The following NFKB1 variants were observed in gnomAD, a reference collection of about 807,000 sequenced individuals.
NFKB1 encodes nuclear factor NF-kappa-B p105 subunit.
A neutral mutation model predicts 105.1 loss-of-function variants in NFKB1; 9 were observed. The ratio of observed to expected loss-of-function variants is 0.09; its 90% CI spans 0.05 to 0.15. The LOEUF is 0.15. Among genes scored for constraint, NFKB1 ranks in the 10% least tolerant of loss-of-function variants. The pLI, the probability that NFKB1 is intolerant of heterozygous loss-of-function variation, is 1.00. For missense variants in NFKB1, 830 were observed against 1,203.7 expected (o/e 0.69, Z 4.59); for synonymous variants, 440 against 442.2 (o/e 1.00, Z 0.06).
In NFKB1 at chr4:102,613,209, C is replaced by T. The variant is rs562011240; in HGVS notation, c.2593-216C>T. 4.6e-5 allele frequency among the ~76,000 whole-genome samples: 7 copies of T among 152,266 alleles called. No homozygotes were observed. In the East Asian group the frequency reaches 1.4e-3, roughly 29 times the overall value. ...CTCTCTCTCTGCTTACTACAAACCA[C>T]TTCTCTGTGATTTCCTGAGTGGTCT... On this transcript the variant is annotated intron_variant, in intron 22 of 23. Coordinates refer to ENST00000226574, the MANE Select transcript of NFKB1 (RefSeq NM_003998.4).
intron 2 of NFKB1, among the ~76,000 whole-genome samples, chr4:102,528,204 T>C (rs961685077): frequency 6.6e-6 from 1 of 152,162 alleles, no homozygotes; most frequent in African/African-American, 2.4e-5. Flanking sequence ...GCCAGTCATT[T>C]AGCCACCACA....
intron 1 of NFKB1, among the ~76,000 whole-genome samples, chr4:102,522,121 G>T (rs958574455): frequency 2.0e-5 from 3 of 152,072 alleles, no homozygotes; most frequent in African/African-American, 7.2e-5. Flanking sequence ...AGGTAGAAGG[G>T]GTTTTCCCTG....
chr4:102,574,887 G>T (rs1724686958), intron 6 of NFKB1, among the ~76,000 whole-genome samples: 1 of 151,968 alleles, frequency 6.6e-6, no homozygotes, highest in Non-Finnish European at 1.5e-5. Context: ...TTTCTCACAG[G>T]GACTAGATTA....
chr4:102,586,765 G>A (rs1031853543), intron 11 of NFKB1, among the ~76,000 whole-genome samples: 18 of 152,278 alleles, frequency 1.2e-4, no homozygotes, highest in Middle Eastern at 3.4e-3. Flanking sequence ...GGGAAGGGAG[G>A]TCAGTAAAAT....
intron 5 of NFKB1, among the ~76,000 whole-genome samples, chr4:102,548,314 G>A (rs546638306): frequency 4.6e-5 from 7 of 152,232 alleles, no homozygotes; most frequent in East Asian, 1.9e-4. Context: ...CAGTCCATGC[G>A]AGGTGTGAGC....
intron 5 of NFKB1, among the ~76,000 whole-genome samples, chr4:102,559,207 G>A (rs192291754): frequency 6.6e-6 from 1 of 152,254 alleles, no homozygotes; most frequent in East Asian, 1.9e-4. Flanking sequence ...CTAGGGCCTT[G>A]TAAGCCATTA....
intron 8 of NFKB1, among the ~76,000 whole-genome samples, chr4:102,579,302 CATCTT>C (rs1465937119): frequency 1.3e-5 from 2 of 152,142 alleles, no homozygotes; most frequent in East Asian, 1.9e-4. Context: ...TGTCACATCT[CATCTT>C]ATTTATGAAT....
At chr4:102,613,150 CAG>C (rs1349687129) in intron 22 of NFKB1, among the ~76,000 whole-genome samples, 3 of 152,188 alleles carry the variant, frequency 2.0e-5, no homozygotes, top group Non-Finnish European at 4.4e-5. Context: ...TCACTGTAGG[CAG>C]AGTTTCACTG....
intron 9 of NFKB1, among the ~76,000 whole-genome samples, chr4:102,581,898 A>T (rs571861062): frequency 6.6e-6 from 1 of 152,312 alleles, no homozygotes; most frequent in African/African-American, 2.4e-5. Flanking sequence ...TCCTACCTGA[A>T]GGCAAAGGAG....
intron 5 of NFKB1, among the ~76,000 whole-genome samples, chr4:102,559,632 G>A (rs1723240497): frequency 6.6e-6 from 1 of 152,004 alleles, no homozygotes; most frequent in Non-Finnish European, 1.5e-5. Context: ...ATGTAGTGTA[G>A]TAAAGATGGT....
chr4:102,537,324 G>A (rs1055574581), intron 4 of NFKB1, among the ~76,000 whole-genome samples: 1 of 152,188 alleles, frequency 6.6e-6, no homozygotes, highest in Non-Finnish European at 1.5e-5. Flanking sequence ...AATGCTGAGA[G>A]AAGCTTAACA....
At chr4:102,610,378 T>A (rs2149227410) in intron 19 of NFKB1, among the ~76,000 whole-genome samples, 197 bp from the exon 20 acceptor site, 1 of 152,374 alleles carries the variant, frequency 6.6e-6, no homozygotes, top group Admixed American at 6.5e-5. Flanking sequence ...CATAAGACAC[T>A]TTAACAATCA....
intron 5 of NFKB1, among the ~76,000 whole-genome samples, chr4:102,564,234 T>C (rs1209917176): frequency 6.6e-6 from 1 of 152,042 alleles, no homozygotes; most frequent in Non-Finnish European, 1.5e-5. Context: ...TTCAAAGAAG[T>C]AAAAGGGAGA....
chr4:102,579,648 T>A (rs79606128), intron 8 of NFKB1, among the ~76,000 whole-genome samples: 16,577 of 82,754 alleles, frequency 0.2, 1,049 homozygotes, highest in Non-Finnish European at 0.21. Flanking sequence ...AAAAAAAAAA[T>A]ATATATATAT....
In NFKB1 at chr4:102,593,474, G is replaced by T; in HGVS notation, c.1116G>T (p.Ser372=). 1 of 1,613,634 alleles carries T rather than the reference G, an allele frequency of 6.2e-7. No homozygotes were observed. Among genetic ancestry groups the T allele is most frequent in the Admixed American group, 1.7e-5 (1 of 60,010 alleles). The change falls in exon 12 of 24, where the codon TCG becomes TCT. Residue 372 remains serine (S), a synonymous_variant. Coordinates refer to ENST00000226574, the MANE Select transcript of NFKB1 (RefSeq NM_003998.4). ...GTCAGAAGCTCATGCCCAATTTTTCGGATAGTTTCGGCGGTGGTAGTGGTG... is the reference window on the plus strand; with the variant it reads ...GTCAGAAGCTCATGCCCAATTTTTCTGATAGTTTCGGCGGTGGTAGTGGTG... The part of the protein sequence containing the change: ...RKRQKLMPNF[S]DSFGGGSGAG...
At chr4:102,514,439 T>C (rs1321840818) in intron 1 of NFKB1, among the ~76,000 whole-genome samples, 1 of 152,186 alleles carries the variant, frequency 6.6e-6, no homozygotes, top group Non-Finnish European at 1.5e-5. Flanking sequence ...TTGTCTCCTC[T>C]TGCCTTTCCG....
chr4:102,584,542 G>T (rs1239530889), intron 10 of NFKB1, 140 bp from the exon 11 acceptor site: 4 of 722,430 alleles, frequency 5.5e-6, no homozygotes, highest in African/African-American at 1.9e-5. Flanking sequence ...ACTTTCTCCA[G>T]GACACGGTGT....
rs1417177863 is a variant in NFKB1, at chr4:102,607,735, T to C, written c.2211T>C (p.Ala737=). The change falls in exon 19 of 24, where the codon GCT becomes GCC. Residue 737 remains alanine (A), a synonymous_variant. Coordinates refer to ENST00000226574, the MANE Select transcript of NFKB1 (RefSeq NM_003998.4). ...GGAGAGGGTCCACCAGGCTGGCAGC[T>C]CTTCTCAAAGCAGCAGGTAAGATGG... ...AAGRGSTRLA[A]LLKAAGADPL... 1 of 1,614,142 alleles carries C rather than the reference T, an allele frequency of 6.2e-7. No individual in the cohort carries two copies. Among genetic ancestry groups the C allele is most frequent in the South Asian group, 1.1e-5 (1 of 91,076 alleles).
intron 22 of NFKB1, among the ~76,000 whole-genome samples, chr4:102,613,170 G>A (rs1728585337): frequency 6.6e-6 from 1 of 152,178 alleles, no homozygotes; most frequent in East Asian, 1.9e-4. Context: ...CTGCCTCAGC[G>A]CTTCTCTCGC....
Sources: gnomAD v4.1 joint callset for allele counts (sites outside exome capture counted in the v4.1 genomes callset) on GRCh38, gnomAD v4.1.1 for gene constraint, MANE v1.5 for transcripts, NCBI Gene and HGNC (gene_info 2026-07-23, HGNC 2026-07-21) for gene names.